The following KLHL29 variants were observed in gnomAD, a reference collection of about 807,000 sequenced individuals.
KLHL29 encodes kelch like family member 29.
KLHL29 carries 21 observed loss-of-function variants against 80.4 expected under a neutral mutation model. That is an observed-to-expected ratio of 0.26 (90% CI 0.19 to 0.38). The LOEUF (loss-of-function observed/expected upper bound fraction) is 0.38. Ranked by LOEUF, KLHL29 falls within the 10% of genes least tolerant of loss-of-function variation. The probability of loss-of-function intolerance (pLI) is 1.00; values close to 1 mark genes in which losing one functional copy is unlikely to be tolerated. For synonymous variants in KLHL29, 511 were observed against 526.8 expected, an observed-to-expected ratio of 0.97 and a Z score of 0.41; for missense variants, 867 against 1,223.9, an observed-to-expected ratio of 0.71 and a Z score of 4.35.
chr2:23,591,413 C>T (rs975668520), intron 3 of KLHL29, among the ~76,000 whole-genome samples: 1 of 152,056 alleles, frequency 6.6e-6, no homozygotes, highest in Admixed American at 6.5e-5. Flanking sequence ...GAGCCTTGGG[C>T]GTCCACAGCA....
Position 23,464,432 on chromosome 2 carries a change from A to AC in KLHL29, c.-153-11123dup, listed in dbSNP as rs972878953. Among the ~76,000 whole-genome samples the AC allele has an allele frequency of 5.3e-5, 8 of 151,550 alleles. 1 individual carries two copies. The highest frequency in any genetic ancestry group is 1.7e-4 in the African/African-American group (7 of 41,180). ...TGCCTTCGGGGGGGATAACTCTGAG[A>AC]CCCCCTCCTCCCTGTCTCCCACAGG... On this transcript the variant is annotated intron_variant, in intron 1 of 13. Coordinates refer to ENST00000486442, the MANE Select transcript of KLHL29 (RefSeq NM_052920.2).
At chr2:23,527,983 A>G (rs1034006181) in intron 2 of KLHL29, among the ~76,000 whole-genome samples, 4 of 152,228 alleles carry the variant, frequency 2.6e-5, no homozygotes, top group Admixed American at 1.3e-4. Context: ...ACCTGCCTCT[A>G]AAATGGGAGT....
intron 2 of KLHL29, among the ~76,000 whole-genome samples, chr2:23,504,784 G>A (rs558632981): frequency 7.2e-5 from 11 of 152,372 alleles, no homozygotes; most frequent in Non-Finnish European, 1.2e-4. Context: ...GCCAGGAGCC[G>A]TGGCAGCTCC....
chr2:23,620,338 A>G (rs1201785963), intron 3 of KLHL29, among the ~76,000 whole-genome samples: 1 of 152,150 alleles, frequency 6.6e-6, no homozygotes, highest in Admixed American at 6.5e-5. Flanking sequence ...TACATTTTAG[A>G]AAAAGAACTG....
intron 3 of KLHL29, among the ~76,000 whole-genome samples, chr2:23,605,773 G>A (rs964002178): frequency 7.0e-6 from 1 of 142,866 alleles, no homozygotes; most frequent in Non-Finnish European, 1.5e-5. Context: ...TGGGAAAACC[G>A]TTTTTTTTTT....
intron 1 of KLHL29, among the ~76,000 whole-genome samples, chr2:23,407,379 G>A (rs1168636411): frequency 2.6e-5 from 4 of 151,716 alleles, no homozygotes; most frequent in Non-Finnish European, 4.4e-5. Context: ...TCTCGGTTGC[G>A]TTTCCTTGAT....
intron 5 of KLHL29, among the ~76,000 whole-genome samples, chr2:23,656,883 A>G (rs1670260709): frequency 6.7e-6 from 1 of 149,686 alleles, no homozygotes; most frequent in African/African-American, 2.5e-5. Context: ...ACGGTGTTTC[A>G]TCGGTTTGGA....
intron 3 of KLHL29, among the ~76,000 whole-genome samples, chr2:23,579,893 C>T (rs1362873536): frequency 1.3e-5 from 2 of 152,188 alleles, no homozygotes; most frequent in Non-Finnish European, 2.9e-5. Context: ...TCAGCTGGAG[C>T]ATGTGTGAGT....
chr2:23,617,167 G>A (rs522939), intron 3 of KLHL29: 127,453 of 152,284 alleles, frequency 0.84, 53,674 homozygotes, highest in East Asian at 1. Context: ...TGGCAAATCC[G>A]AGTCTGATTT....
At chr2:23,582,080 CAG>C (rs1234139240) in intron 3 of KLHL29, among the ~76,000 whole-genome samples, 1 of 152,176 alleles carries the variant, frequency 6.6e-6, no homozygotes, top group Non-Finnish European at 1.5e-5. Flanking sequence ...AGGCAGTGCT[CAG>C]GGGCAAAACA....
At chr2:23,547,056 G>T (rs1034851016) in intron 2 of KLHL29, among the ~76,000 whole-genome samples, 1 of 152,170 alleles carries the variant, frequency 6.6e-6, no homozygotes, top group African/African-American at 2.4e-5. Flanking sequence ...ACACACCCTC[G>T]TGGAGCTCCC....
intron 1 of KLHL29, among the ~76,000 whole-genome samples, chr2:23,435,242 CAG>C (rs1277870041): frequency 1.3e-5 from 2 of 152,092 alleles, no homozygotes; most frequent in African/African-American, 2.4e-5. Flanking sequence ...GGGAGGCAGA[CAG>C]AGTCAGATTT....
rs534136885 is a variant in KLHL29, at chr2:23,403,726, A to AGAGAGTGT, written c.-154+17947_-154+17948insAGAGTGTG. ...ATGAAACCCAAAGAGAGAGAGAGAGAGTGTGTGTGTGTGTGTGTGTGTGTG... is the reference window on the plus strand; with the variant it reads ...ATGAAACCCAAAGAGAGAGAGAGAGAGAGAGTGTGTGTGTGTGTGTGTGTGTGTGTGTG... On this transcript the variant is annotated intron_variant, in intron 1 of 13. Coordinates refer to ENST00000486442, the MANE Select transcript of KLHL29 (RefSeq NM_052920.2). Among the ~76,000 whole-genome samples the AGAGAGTGT allele has an allele frequency of 5.5e-3, 792 of 144,070 alleles. 4 individuals are homozygous for AGAGAGTGT. The highest frequency in any genetic ancestry group is 7.7e-3 in the Non-Finnish European group (512 of 66,404). The allele number at this position is 144,070 out of a possible 152,430, so 94.5% of individuals were successfully genotyped here. A position where few individuals can be genotyped will look rare whatever the true frequency, so the allele number is the denominator to read the frequency against.
chr2:23,486,943 TTCTCGTGGAA>T (rs951638981), intron 2 of KLHL29, among the ~76,000 whole-genome samples: 1 of 152,192 alleles, frequency 6.6e-6, no homozygotes, highest in Non-Finnish European at 1.5e-5. Flanking sequence ...TGCATGCACT[TTCTCGTGGAA>T]TCCTCCCAGT....
chr2:23,486,739 G>C (rs1304616110), intron 2 of KLHL29, among the ~76,000 whole-genome samples: 1 of 152,170 alleles, frequency 6.6e-6, no homozygotes, highest in East Asian at 1.9e-4. Flanking sequence ...GCCACCTCCT[G>C]GAGGGCAGCT....
chr2:23,684,002 A>G lies in KLHL29; in HGVS notation c.941-397A>G, dbSNP rs1410571130. The stretch of plus-strand genomic sequence containing the variant: ...TGCCATGCTTGACTTGGTCTCCAAT[A>G]CATCGGCACCCATTGGCATTTGGAG... On this transcript the variant is annotated intron_variant, in intron 5 of 13. Transcript: ENST00000486442. This position sits in a 1 kb window ranked among gnomAD's most constrained non-coding sequence, Gnocchi z 4.4. Among the ~76,000 whole-genome samples the G allele has an allele frequency of 6.6e-6, 1 of 152,182 alleles. No homozygotes were observed. Among genetic ancestry groups the G allele is most frequent in the African/African-American group, 2.4e-5 (1 of 41,444 alleles).
At chr2:23,643,047 G>A in intron 5 of KLHL29, 197 bp downstream of exon 5, 1 of 733,248 alleles carries the variant, frequency 1.4e-6, no homozygotes, top group South Asian at 1.5e-5. Flanking sequence ...GGTGTGGAGG[G>A]CGGGACAAAC....
intron 5 of KLHL29, among the ~76,000 whole-genome samples, chr2:23,679,402 C>G (rs1341737682): frequency 1.3e-5 from 2 of 152,190 alleles, no homozygotes; most frequent in African/African-American, 4.8e-5. Context: ...AGGCTTGTTC[C>G]TATGGTGGTG....
rs548857112 is a variant in KLHL29, at chr2:23,581,011, C to A, written c.285+18530C>A. ...AAAATAAAATCTAGCCCATTCTAAG[C>A]AAACAGTAAGTGCCCAATAAATGCT... is the stretch of plus-strand genomic sequence containing the variant. On this transcript the variant is annotated intron_variant, in intron 3 of 13. Transcript: ENST00000486442. Among the ~76,000 whole-genome samples, 7 of 152,166 alleles carry A rather than the reference C, an allele frequency of 4.6e-5. No homozygotes were observed. In the South Asian group the frequency reaches 1.5e-3, roughly 32 times the overall value.
Sources: gnomAD v4.1 joint callset for allele counts (sites outside exome capture counted in the v4.1 genomes callset) on GRCh38, gnomAD v4.1.1 for gene constraint, Gnocchi (gnomAD v3.1) non-coding constraint, MANE v1.5 for transcripts, NCBI Gene and HGNC (gene_info 2026-07-23, HGNC 2026-07-21) for gene names.